NUP93: variants seen among roughly 807,000 people sequenced by gnomAD.
NUP93 encodes nuclear pore complex protein Nup93.
NUP93 carries 55 observed loss-of-function variants against 107.8 expected under a neutral mutation model. The observed-to-expected ratio is 0.51, with a 90% CI of 0.41 to 0.64. The LOEUF (loss-of-function observed/expected upper bound fraction) is 0.64, where lower values mean the gene tolerates loss of function less well. NUP93 is among the 30% of genes least tolerant of loss of function. The probability of loss-of-function intolerance (pLI) is 0.00; values close to 1 mark genes in which losing one functional copy is unlikely to be tolerated. For synonymous variants in NUP93, 390 were observed against 397.5 expected (o/e 0.98, Z 0.22); for missense variants, 937 against 1,044.7 (o/e 0.90, Z 1.42).
intron 1 of NUP93, among the ~76,000 whole-genome samples, chr16:56,742,678 C>T (rs1206431152): frequency 6.6e-6 from 1 of 152,202 alleles, no homozygotes; most frequent in African/African-American, 2.4e-5. Flanking sequence ...GCAGATATGT[C>T]TAGGATGGAT....
intron 3 of NUP93, among the ~76,000 whole-genome samples, chr16:56,770,979 T>C (rs142517306): frequency 6.6e-6 from 1 of 152,062 alleles, no homozygotes. Context: ...TGACACACAG[T>C]CTGTTCCTTT....
At chr16:56,768,393 A>C (rs192281553) in intron 3 of NUP93, among the ~76,000 whole-genome samples, 1 of 151,420 alleles carries the variant, frequency 6.6e-6, no homozygotes, top group Non-Finnish European at 1.5e-5. Context: ...GAGAAACCCT[A>C]TCTCTACTAA....
At chr16:56,730,435 C>T (rs1208599208) in intron 1 of NUP93, among the ~76,000 whole-genome samples, 1 of 152,180 alleles carries the variant, frequency 6.6e-6, no homozygotes, top group Non-Finnish European at 1.5e-5. Context: ...TTTCATTCGT[C>T]CACTTTCTGA....
intron 8 of NUP93, among the ~76,000 whole-genome samples, chr16:56,828,279 G>T (rs1317126182): frequency 1.3e-5 from 2 of 151,138 alleles, no homozygotes; most frequent in African/African-American, 4.9e-5. Flanking sequence ...TTAAGGGAAA[G>T]TGGCTTGACA....
Position 56,823,801 on chromosome 16 carries a change from T to G in NUP93, c.749T>G (p.Val250Gly), listed in dbSNP as rs761897168. ...CTGAAGAACCGCAGCAGCGTGGAAGTGCGCATGGAGTTTGTCAGGCAGGCC... is the reference window on the plus strand; with the variant it reads ...CTGAAGAACCGCAGCAGCGTGGAAGGGCGCATGGAGTTTGTCAGGCAGGCC... Reference protein sequence around the residue: ...DALKNRSSVEVRMEFVRQALA... With the variant: ...DALKNRSSVEGRMEFVRQALA... Residue 250 changes from valine (V) to glycine (G), a missense_variant, in exon 8 of 22, where the codon GTG becomes GGG. Val to Gly is a moderately radical substitution (Grantham distance 109, BLOSUM62 -3). Coordinates refer to ENST00000308159, the MANE Select transcript of NUP93 (RefSeq NM_014669.5). The G allele has an allele frequency of 1.9e-6, 3 of 1,613,994 alleles. No individual in the cohort carries two copies. The highest frequency in any genetic ancestry group is 2.5e-6 in the Non-Finnish European group (3 of 1,180,030).
intron 5 of NUP93, among the ~76,000 whole-genome samples, chr16:56,814,010 C>T (rs1963368545): frequency 6.6e-6 from 1 of 152,098 alleles, no homozygotes; most frequent in African/African-American, 2.4e-5. Context: ...TGGACTTTTG[C>T]CTACAACTTT....
intron 3 of NUP93, among the ~76,000 whole-genome samples, chr16:56,759,720 C>G (rs925989175): frequency 6.6e-6 from 1 of 152,064 alleles, no homozygotes; most frequent in East Asian, 1.9e-4. Flanking sequence ...CCCCCTCCCC[C>G]GTACAACTGC....
chr16:56,778,022 C>T (rs1962446519), intron 3 of NUP93, among the ~76,000 whole-genome samples: 2 of 152,180 alleles, frequency 1.3e-5, no homozygotes, highest in Admixed American at 6.5e-5. Context: ...GGATGCTGCC[C>T]TCTGGAAGTT....
intron 1 of NUP93, among the ~76,000 whole-genome samples, chr16:56,733,138 A>G (rs1228951604): frequency 6.6e-6 from 1 of 152,178 alleles, no homozygotes; most frequent in African/African-American, 2.4e-5. Flanking sequence ...ACCCCAAAGA[A>G]TAGAGAATTG....
chr16:56,760,806 G>A (rs1962112354), intron 3 of NUP93, among the ~76,000 whole-genome samples: 1 of 152,052 alleles, frequency 6.6e-6, no homozygotes, highest in South Asian at 2.1e-4. Flanking sequence ...AAATGATCGG[G>A]GCATGGTGGC....
chr16:56,794,070 ATAGGTAGG>A lies in NUP93; in HGVS notation c.298-4390_298-4383del, dbSNP rs59624915. The stretch of plus-strand genomic sequence containing the variant: ...ACTCCATCTCTAGATAGATAGATAG[ATAGGTAGG>A]TAGGTAGGTAGGTAGATAGATAGAT... On this transcript the variant is annotated intron_variant, in intron 3 of 21. Transcript: ENST00000308159. Among the ~76,000 whole-genome samples the A allele has an allele frequency of 6.0e-3, 896 of 148,528 alleles. 9 individuals are homozygous for A. The highest frequency in any genetic ancestry group is 0.016 in the African/African-American group (642 of 40,052).
In NUP93 at chr16:56,831,857, G is replaced by A. The variant is rs756956338; in HGVS notation, c.1101G>A (p.Thr367=). ...NSKDRRLSPA[T]ENKLRLHYRR... ...ATGTCTGTAGATTGTCCCCAGCTAC[G>A]GAAAACAAGCTCCGGCTGCATTACC... Residue 367 remains threonine (T), a synonymous_variant, in exon 11 of 22, where the codon ACG becomes ACA. Coordinates refer to ENST00000308159, the MANE Select transcript of NUP93 (RefSeq NM_014669.5). 7.4e-6 allele frequency: 12 copies of A among 1,613,752 alleles called. No individual in the cohort carries two copies. The highest frequency in any genetic ancestry group is 1.0e-5 in the Non-Finnish European group (12 of 1,179,936).
Position 56,737,338 on chromosome 16 carries a change from A to G in NUP93, c.-15+7127A>G, listed in dbSNP as rs372709103. Among the ~76,000 whole-genome samples the G allele has an allele frequency of 3.9e-5, 6 of 152,246 alleles. No homozygotes were observed. The South Asian group carries it at 6.2e-4, about 16-fold the overall frequency. On this transcript the variant is annotated intron_variant, in intron 1 of 21. Transcript: ENST00000308159. Reference sequence around the variant, plus strand: ...GGAAAGCAAGCTTTCTGGTGTGTCTAAGGGCACTTATCCCATCCTGAAGAC... The same window carrying G: ...GGAAAGCAAGCTTTCTGGTGTGTCTGAGGGCACTTATCCCATCCTGAAGAC...
chr16:56,739,724 G>A (rs1597100005), intron 1 of NUP93, among the ~76,000 whole-genome samples: 1 of 119,782 alleles, frequency 8.3e-6, no homozygotes, highest in Non-Finnish European at 1.7e-5. Context: ...GCGGGGGGCC[G>A]ACCCCCCCAC....
Position 56,848,049 on chromosome 16 carries a change from A to T in NUP93, c.*3440A>T, listed in dbSNP as rs985276319. On this transcript the variant is annotated 3_prime_UTR_variant, in exon 22 of 22. Coordinates refer to ENST00000308159, the MANE Select transcript of NUP93 (RefSeq NM_014669.5). ...AACCCTTAATACTAAATTTGCAGTT[A>T]TATGCAGCTCTGCCAACGCCTTCCT... The T allele has an allele frequency of 7.9e-5, 12 of 152,196 alleles. No homozygotes were observed. The highest frequency in any genetic ancestry group is 2.9e-4 in the African/African-American group (12 of 41,458). The allele number at this position is 152,196 out of a possible 1,614,324, so 9.4% of individuals were successfully genotyped here. A position where few individuals can be genotyped will look rare whatever the true frequency, so the allele number is the denominator to read the frequency against.
intron 5 of NUP93, among the ~76,000 whole-genome samples, chr16:56,815,513 AC>A (rs1476964778): frequency 6.6e-6 from 1 of 152,192 alleles, no homozygotes; most frequent in African/African-American, 2.4e-5. Context: ...AAAGTGAAAT[AC>A]TTTAGGTCAT....
At chr16:56,767,481 A>G (rs1458489224) in intron 3 of NUP93, among the ~76,000 whole-genome samples, 2 of 152,218 alleles carry the variant, frequency 1.3e-5, no homozygotes, top group African/African-American at 4.8e-5. Flanking sequence ...TGATTTTTAA[A>G]AATTACTGAC....
intron 1 of NUP93, among the ~76,000 whole-genome samples, chr16:56,746,028 T>C (rs1169370882): frequency 1.3e-5 from 2 of 152,184 alleles, no homozygotes; most frequent in Admixed American, 6.5e-5. Flanking sequence ...TTTTTAATCA[T>C]AGAAAAGTTT....
intron 3 of NUP93, among the ~76,000 whole-genome samples, chr16:56,790,349 A>G (rs1253498953): frequency 6.6e-6 from 1 of 152,198 alleles, no homozygotes; most frequent in Non-Finnish European, 1.5e-5. Context: ...AAACTGCTCA[A>G]ATTAAAAAAT....
Sources: allele counts gnomAD v4.1 joint callset (sites outside exome capture counted in the v4.1 genomes callset), GRCh38; gene constraint gnomAD v4.1.1; transcripts MANE v1.5; gene names NCBI Gene and HGNC (gene_info 2026-07-23, HGNC 2026-07-21).